PDE4D: variants seen among roughly 807,000 people sequenced by gnomAD.
PDE4D encodes the protein phosphodiesterase 4D, also known as 3',5'-cyclic-AMP phosphodiesterase 4D.
Under a neutral mutation model 87.4 loss-of-function variants are expected in PDE4D, and 24 were observed. The observed-to-expected ratio is 0.27, with a 90% confidence interval of 0.20 to 0.39. The LOEUF (loss-of-function observed/expected upper bound fraction) is 0.39, where lower values mean the gene tolerates loss of function less well. Among genes scored for constraint, PDE4D ranks in the 10% least tolerant of loss-of-function variants. The pLI, the probability that PDE4D is intolerant of heterozygous loss-of-function variation, is 1.00. For synonymous variants in PDE4D, 384 were observed against 383.2 expected (o/e 1.00, Z -0.02); for missense variants, 714 against 1,041.0 (o/e 0.69, Z 4.32).
At chr5:58,978,387 A>G (rs753253477) in intron 11 of PDE4D, among the ~76,000 whole-genome samples, 57 of 152,194 alleles carry the variant, frequency 3.7e-4, no homozygotes, top group Non-Finnish European at 7.3e-4. Flanking sequence ...CTGCACTCCA[A>G]ACTAGGCAAC....
At chr5:59,230,038 C>T (rs1223659421) in intron 1 of PDE4D, among the ~76,000 whole-genome samples, 1 of 152,170 alleles carries the variant, frequency 6.6e-6, no homozygotes, top group Non-Finnish European at 1.5e-5. Flanking sequence ...CCGCCTGCCT[C>T]GGCCTCCCAA....
intron 5 of PDE4D, among the ~76,000 whole-genome samples, chr5:59,121,244 C>T (rs1028841149): frequency 1.3e-5 from 2 of 152,080 alleles, no homozygotes; most frequent in Non-Finnish European, 2.9e-5. Flanking sequence ...GCAAAGCAAA[C>T]AATCAAGAGA....
chr5:60,322,010 A>T (rs1166324507), intron 1 of PDE4D, among the ~76,000 whole-genome samples: 5 of 152,134 alleles, frequency 3.3e-5, no homozygotes, highest in African/African-American at 1.2e-4. Context: ...TTCTCCGAGA[A>T]ATTAAGTCAG....
chr5:60,306,647 C>T (rs138198526), intron 1 of PDE4D, among the ~76,000 whole-genome samples: 202 of 152,052 alleles, frequency 1.3e-3, no homozygotes, highest in African/African-American at 4.8e-3. Context: ...TTAAAAATTA[C>T]AAAGTATATT....
chr5:60,140,093 T>G (rs1190395981), intron 2 of PDE4D, among the ~76,000 whole-genome samples: 4 of 152,102 alleles, frequency 2.6e-5, no homozygotes, highest in African/African-American at 9.7e-5. Context: ...ATTATTGTTT[T>G]GGTCCTGTAA....
rs974149925 is a variant in PDE4D, at chr5:59,433,686, A to C, written c.456-217718T>G. Among the ~76,000 whole-genome samples the C allele has an allele frequency of 8.5e-5, 13 of 152,070 alleles. No individual in the cohort carries two copies. In the East Asian group the frequency reaches 1.7e-3, roughly 20 times the overall value. On this transcript the variant is annotated intron_variant, in intron 1 of 14. Transcript: ENST00000340635. ...CCATCTATGTTTTGTTTGTTTTTGCATACTGGGATTTCTATGGAAGACAGG... is the reference window on the plus strand; with the variant it reads ...CCATCTATGTTTTGTTTGTTTTTGCCTACTGGGATTTCTATGGAAGACAGG...
At chr5:59,634,089 G>C (rs1464789843) in intron 1 of PDE4D, among the ~76,000 whole-genome samples, 1 of 152,000 alleles carries the variant, frequency 6.6e-6, no homozygotes, top group Non-Finnish European at 1.5e-5. Context: ...TGTAATCCTA[G>C]TCTCTGATAA....
At position 58,975,483 on chromosome 5, in the gene PDE4D, G is replaced by A. The variant is rs978475938; in HGVS notation, c.2013+174C>T. On this transcript the variant is annotated intron_variant, in intron 14 of 14. Coordinates refer to ENST00000340635, the MANE Select transcript of PDE4D (RefSeq NM_001104631.2). This position sits in a 1 kb window ranked among gnomAD's most constrained non-coding sequence, Gnocchi z 4.2. ...AGAATATATATATGACTATATGAAT[G>A]TAAGTCATAAGAATGAAAGTTCTTT... is the stretch of plus-strand genomic sequence containing the variant. 2.0e-5 allele frequency among the ~76,000 whole-genome samples: 3 copies of A among 152,146 alleles called. No individual in the cohort carries two copies. Among genetic ancestry groups the A allele is most frequent in the African/African-American group, 7.2e-5 (3 of 41,438 alleles).
chr5:60,009,394 C>T (rs2152843679), intron 2 of PDE4D, among the ~76,000 whole-genome samples: 1 of 151,968 alleles, frequency 6.6e-6, no homozygotes, highest in Admixed American at 6.6e-5. Context: ...TTGATTCATT[C>T]ATTCAATAAT....
intron 1 of PDE4D, among the ~76,000 whole-genome samples, chr5:60,210,992 G>A (rs1743140701): frequency 6.6e-6 from 1 of 152,210 alleles, no homozygotes; most frequent in African/African-American, 2.4e-5. Flanking sequence ...CGGAGAGCCT[G>A]GCGCTGAGCC....
intron 1 of PDE4D, among the ~76,000 whole-genome samples, chr5:60,356,801 C>T (rs756987756): frequency 4.6e-5 from 7 of 152,108 alleles, no homozygotes; most frequent in African/African-American, 7.2e-5. Context: ...GTTTGATTAA[C>T]GGTATATATC....
At chr5:59,784,152 G>A (rs1362368115) in intron 1 of PDE4D, among the ~76,000 whole-genome samples, 1 of 151,880 alleles carries the variant, frequency 6.6e-6, no homozygotes, top group Non-Finnish European at 1.5e-5. Flanking sequence ...TGCATATCAG[G>A]AAACAGGATG....
intron 1 of PDE4D, among the ~76,000 whole-genome samples, chr5:59,793,972 G>A (rs910247484): frequency 2.0e-5 from 3 of 152,194 alleles, no homozygotes; most frequent in East Asian, 1.9e-4. Context: ...CGTGCAGGAC[G>A]TTACCATGTG....
intron 1 of PDE4D, among the ~76,000 whole-genome samples, chr5:59,883,797 A>G (rs1749786090): frequency 6.6e-6 from 1 of 152,146 alleles, no homozygotes; most frequent in Non-Finnish European, 1.5e-5. Flanking sequence ...GTTTCTAGCA[A>G]TTACTCAGGA....
At chr5:59,580,463 T>C (rs1348174536) in intron 1 of PDE4D, among the ~76,000 whole-genome samples, 1 of 152,304 alleles carries the variant, frequency 6.6e-6, no homozygotes, top group Non-Finnish European at 1.5e-5. Context: ...AACATTCTAA[T>C]AAATTCTTCT....
intron 3 of PDE4D, among the ~76,000 whole-genome samples, chr5:59,933,083 A>G (rs1438859477): frequency 6.6e-6 from 1 of 152,142 alleles, no homozygotes; most frequent in Non-Finnish European, 1.5e-5. Context: ...GATTCAGAAA[A>G]TTTGTAGCTG....
chr5:60,089,453 G>T (rs1383085203), intron 2 of PDE4D, among the ~76,000 whole-genome samples: 1 of 151,840 alleles, frequency 6.6e-6, no homozygotes, highest in African/African-American at 2.4e-5. Flanking sequence ...ATTGGTCAAT[G>T]AATAAATTAA....
intron 1 of PDE4D, among the ~76,000 whole-genome samples, chr5:59,419,945 G>A (rs577654616): frequency 6.6e-6 from 1 of 152,178 alleles, no homozygotes; most frequent in South Asian, 2.1e-4. Flanking sequence ...GAGATGGGAA[G>A]AGTGGTAGAT....
At chr5:59,582,027 A>G (rs1403727762) in intron 1 of PDE4D, among the ~76,000 whole-genome samples, 1 of 152,148 alleles carries the variant, frequency 6.6e-6, no homozygotes, top group Non-Finnish European at 1.5e-5. Flanking sequence ...AGTGTTTACA[A>G]GTAAATTGTA....
Sources: allele counts gnomAD v4.1 joint callset (sites outside exome capture counted in the v4.1 genomes callset), GRCh38; gene constraint gnomAD v4.1.1; non-coding constraint Gnocchi (gnomAD v3.1); transcripts MANE v1.5; gene names NCBI Gene and HGNC (gene_info 2026-07-23, HGNC 2026-07-21).